GRIN1: variants seen among roughly 807,000 people sequenced by gnomAD.
GRIN1 encodes the protein glutamate ionotropic receptor NMDA type subunit 1, also known as glutamate receptor ionotropic, NMDA 1.
A neutral mutation model predicts 103.0 loss-of-function variants in GRIN1; 38 were observed. The observed-to-expected ratio is 0.37, with a 90% CI of 0.28 to 0.48. The LOEUF is 0.48. Among genes scored for constraint, GRIN1 ranks in the 20% least tolerant of loss-of-function variants. The probability of loss-of-function intolerance (pLI) is 0.98; values close to 1 mark genes in which losing one functional copy is unlikely to be tolerated. For missense variants in GRIN1, 577 were observed against 1,288.9 expected, an observed-to-expected ratio of 0.45 and a Z score of 8.46; for synonymous variants, 544 against 532.7, an observed-to-expected ratio of 1.02 and a Z score of -0.29.
At chr9:137,162,322 T>C in intron 12 of GRIN1, 32 bp downstream of exon 12, 1 of 1,547,810 alleles carries the variant, frequency 6.5e-7, no homozygotes, top group Non-Finnish European at 8.7e-7. Context: ...GACACCTCCA[T>C]CTGCGGGGCG....
chr9:137,156,998 G>A lies in GRIN1; in HGVS notation c.929G>A (p.Gly310Asp). 1 of 1,611,986 alleles carries A rather than the reference G, an allele frequency of 6.2e-7. No homozygotes were observed. Among genetic ancestry groups the A allele is most frequent in the Non-Finnish European group, 8.5e-7 (1 of 1,179,746 alleles). Residue 310 changes from glycine to aspartate, a missense_variant, in exon 6 of 20, where the codon GGC becomes GAC. This residue lies in a region of GRIN1 where 308 missense variants were observed against 553.6 expected (regional missense o/e 0.56). Coordinates refer to ENST00000371561, the MANE Select transcript of GRIN1 (RefSeq NM_007327.4). ...ACCGACCCGCCGCGGGGCTGCGTGG[G>A]CAACACCAACATCTGGAAGACCGGG... ...NITDPPRGCV[G>D]NTNIWKTGPL... is the part of the protein sequence containing the mutation.
chr9:137,158,272 G>T, intron 6 of GRIN1, 107 bp from the exon 7 acceptor site: 1 of 1,253,466 alleles, frequency 8.0e-7, no homozygotes. Flanking sequence ...AAGGAGCAGG[G>T]AGAAGGAGCA....
Position 137,156,847 on chromosome 9 carries a change from T to G in GRIN1, c.794-16T>G, listed in dbSNP as rs1833256926. On this transcript the variant is annotated splice_polypyrimidine_tract_variant and intron_variant, in intron 5 of 19. Coordinates refer to ENST00000371561, the MANE Select transcript of GRIN1 (RefSeq NM_007327.4). ...CGGGGAGGACCCCACGGGCTCTGAG[T>G]CGCATGCTCGCCTAGGCATCCTCGG... 1.2e-6 allele frequency: 2 copies of G among 1,609,214 alleles called. No homozygotes were observed. Among genetic ancestry groups the G allele is most frequent in the Non-Finnish European group, 1.7e-6 (2 of 1,178,502 alleles).
chr9:137,166,863 G>T (rs1436119293), intron 19 of GRIN1, among the ~76,000 whole-genome samples: 1 of 152,244 alleles, frequency 6.6e-6, no homozygotes, highest in Non-Finnish European at 1.5e-5. Flanking sequence ...GGCTGGGGAA[G>T]AGGGGGTGTC....
intron 18 of GRIN1, 83 bp from the exon 19 acceptor site, chr9:137,165,102 TG>T: frequency 2.0e-6 from 2 of 991,952 alleles, no homozygotes; most frequent in Non-Finnish European, 3.3e-6. Flanking sequence ...CCGGCCAGGC[TG>T]GGCAGCGGCC....
rs931957749 is a variant in GRIN1, at chr9:137,146,617, C to T, written c.570+715C>T. ...GAGCTGGGATTTGGGGGGGTCCGAG[C>T]GACCCCTTTCCCCTTCCTTACCACT... On this transcript the variant is annotated intron_variant, in intron 3 of 19. Coordinates refer to ENST00000371561, the MANE Select transcript of GRIN1 (RefSeq NM_007327.4). The surrounding 1 kb of genome is among the most constrained non-coding windows in gnomAD (Gnocchi z 6.7). Among the ~76,000 whole-genome samples, 3 of 152,128 alleles carry T rather than the reference C, an allele frequency of 2.0e-5. No homozygotes were observed. The highest frequency in any genetic ancestry group is 2.1e-4 in the South Asian group (1 of 4,826).
intron 4 of GRIN1, among the ~76,000 whole-genome samples, chr9:137,149,855 G>A (rs1046353061): frequency 1.3e-5 from 2 of 152,204 alleles, no homozygotes; most frequent in Non-Finnish European, 2.9e-5. Context: ...GAAACACCCG[G>A]AGGAACACAG....
chr9:137,167,956 C>T lies in GRIN1; in HGVS notation c.*429C>T. On this transcript the variant is annotated 3_prime_UTR_variant, in exon 20 of 20. Transcript: ENST00000371561. ...CGCCCCAGAGACTGCCCACCCTGGG[C>T]CTCCCGTCCGTCCGCCCGCCCACCC... The T allele has an allele frequency of 4.2e-6, 4 of 946,804 alleles. No homozygotes were observed. Among genetic ancestry groups the T allele is most frequent in the Non-Finnish European group, 4.9e-6 (3 of 609,958 alleles). 58.7% of individuals were successfully genotyped at this position (946,804 alleles called of 1,614,324 possible). A position where few individuals can be genotyped will look rare whatever the true frequency, so the allele number is the denominator to read the frequency against.
Position 137,165,207 on chromosome 9 carries a change from G to C in GRIN1, c.2611G>C (p.Glu871Gln). Residue 871 changes from glutamate (E) to glutamine (Q), a missense_variant, in exon 19 of 20, where the codon GAG becomes CAG. Glu to Gln is a conservative substitution (Grantham distance 29). This residue lies in a region of GRIN1 where 68 missense variants were observed against 113.0 expected (regional missense o/e 0.60). Transcript: ENST00000371561. ...TTAGGATAGAAAGAGTGGTAGAGCA[G>C]AGCCTGACCCTAAAAAGAAAGCCAC... is the stretch of plus-strand genomic sequence containing the variant. ...NLQDRKSGRAEPDPKKKATFR... is the reference protein window; with the variant it reads ...NLQDRKSGRAQPDPKKKATFR... 1 of 1,610,948 alleles carries C rather than the reference G, an allele frequency of 6.2e-7. No individual in the cohort carries two copies. Among genetic ancestry groups the C allele is most frequent in the Non-Finnish European group, 8.5e-7 (1 of 1,178,022 alleles).
At chr9:137,165,522 T>TA in intron 19 of GRIN1, 2 of 574,044 alleles carry the variant, frequency 3.5e-6, no homozygotes, top group Non-Finnish European at 6.3e-6. Context: ...GTGTCTCCGT[T>TA]AGTCTGCCCG....
At chr9:137,166,051 G>A (rs941236736) in intron 19 of GRIN1, among the ~76,000 whole-genome samples, 10 of 152,056 alleles carry the variant, frequency 6.6e-5, no homozygotes, top group African/African-American at 1.7e-4. Flanking sequence ...GAGGTGTGGC[G>A]GCAGCTCCCA....
At chr9:137,155,453 T>C (rs1188717570) in intron 4 of GRIN1, among the ~76,000 whole-genome samples, 1 of 152,258 alleles carries the variant, frequency 6.6e-6, no homozygotes, top group African/African-American at 2.4e-5. Context: ...AAGGGCTGCA[T>C]TTCTTTGTGG....
In GRIN1 at chr9:137,158,656, C is replaced by T. The variant is rs138398771; in HGVS notation, c.1149C>T (p.Gly383=). The T allele has an allele frequency of 9.7e-5, 157 of 1,612,880 alleles. No homozygotes were observed. In the South Asian group the frequency reaches 1.4e-3, roughly 15 times the overall value. ...IPNDRKIIWP[G]GETEKPRGYQ... is the part of the protein sequence containing the mutation. ...ATGACAGGAAGATCATCTGGCCAGG[C>T]GGAGAGACAGAGAAGCCTCGAGGGT... The change falls in exon 8 of 20, where the codon GGC becomes GGT. Residue 383 remains glycine (G), a synonymous_variant. Coordinates refer to ENST00000371561, the MANE Select transcript of GRIN1 (RefSeq NM_007327.4).
At chr9:137,150,132 T>A (rs941023721) in intron 4 of GRIN1, among the ~76,000 whole-genome samples, 13 of 151,812 alleles carry the variant, frequency 8.6e-5, no homozygotes, top group African/African-American at 3.1e-4. Flanking sequence ...GCACTAATCG[T>A]CCCCCATTAC....
chr9:137,151,078 G>GA lies in GRIN1; in HGVS notation c.671+1977dup, dbSNP rs796496684. ...TCCCGCCCAGGGAAAGCCCCGCCCA[G>GA]AAAAAAAACCCGCCCAGGGAAAGCC... On this transcript the variant is annotated intron_variant, in intron 4 of 19. Transcript: ENST00000371561. Among the ~76,000 whole-genome samples, 49 of 86,060 alleles carry GA rather than the reference G, an allele frequency of 5.7e-4. 1 individual carries two copies. Among genetic ancestry groups the GA allele is most frequent in the African/African-American group, 2.2e-3 (47 of 21,410 alleles). 56.5% of individuals were successfully genotyped at this position (86,060 alleles called of 152,430 possible). A position where few individuals can be genotyped will look rare whatever the true frequency, so the allele number is the denominator to read the frequency against.
At chr9:137,159,227 C>G (rs1360179310) in intron 8 of GRIN1, among the ~76,000 whole-genome samples, 2 of 152,170 alleles carry the variant, frequency 1.3e-5, no homozygotes, top group Non-Finnish European at 2.9e-5. Flanking sequence ...CTCCCTACTC[C>G]AGGGTGCTCT....
At chr9:137,161,508 A>C in intron 10 of GRIN1, 92 bp downstream of exon 10, 4 of 597,314 alleles carry the variant, frequency 6.7e-6, no homozygotes, top group Non-Finnish European at 1.1e-5. Flanking sequence ...GGGCTTGCAG[A>C]TGGTGGGGGG....
intron 19 of GRIN1, 94 bp from the exon 20 acceptor site, chr9:137,167,317 C>A: frequency 7.2e-6 from 7 of 977,682 alleles, no homozygotes; most frequent in Non-Finnish European, 1.1e-5. Context: ...TGTCCTGTGG[C>A]CGGTCCGGGC....
chr9:137,161,889 C>A, intron 10 of GRIN1, 35 bp from the exon 11 acceptor site: 1 of 1,546,634 alleles, frequency 6.5e-7, no homozygotes, highest in South Asian at 1.2e-5. Context: ...TGGGAGGACG[C>A]TGCCTGCATG....
Sources: gnomAD v4.1 joint callset for allele counts (sites outside exome capture counted in the v4.1 genomes callset) on GRCh38, gnomAD v4.1.1 for gene constraint, gnomAD v4.1.1 regional missense constraint, Gnocchi (gnomAD v3.1) non-coding constraint, MANE v1.5 for transcripts, NCBI Gene and HGNC (gene_info 2026-07-23, HGNC 2026-07-21) for gene names.